The following SEMA4D variants were observed in gnomAD, a reference collection of about 807,000 sequenced individuals.
SEMA4D encodes the protein semaphorin 4D.
A neutral mutation model predicts 74.8 loss-of-function variants in SEMA4D; 22 were observed. The observed-to-expected ratio is 0.29, with a 90% confidence interval of 0.21 to 0.42. The LOEUF (loss-of-function observed/expected upper bound fraction) is 0.42, where lower values mean the gene tolerates loss of function less well. Among genes scored for constraint, SEMA4D ranks in the 10% least tolerant of loss-of-function variants. The pLI, the probability that SEMA4D is intolerant of heterozygous loss-of-function variation, is 1.00. For synonymous variants in SEMA4D, 445 were observed against 463.7 expected (o/e 0.96, Z 0.52); for missense variants, 937 against 1,118.4 (o/e 0.84, Z 2.31).
chr9:89,413,118 G>A (rs549677421), intron 2 of SEMA4D, among the ~76,000 whole-genome samples: 83 of 152,340 alleles, frequency 5.4e-4, no homozygotes, highest in Non-Finnish European at 1.0e-3. Context: ...CCCTGACAGT[G>A]TGAAATTGCT....
chr9:89,493,447 C>T (rs946098051), intron 1 of SEMA4D, among the ~76,000 whole-genome samples: 1 of 152,250 alleles, frequency 6.6e-6, no homozygotes, highest in Non-Finnish European at 1.5e-5. Flanking sequence ...CCTCACAGCA[C>T]ATGGGACACA....
chr9:89,422,197 T>A (rs1847112494), intron 2 of SEMA4D, among the ~76,000 whole-genome samples: 1 of 152,220 alleles, frequency 6.6e-6, no homozygotes, highest in Non-Finnish European at 1.5e-5. Flanking sequence ...TGGAAATTTT[T>A]AAGAACAGCA....
chr9:89,389,946 G>A (rs1020242179), intron 9 of SEMA4D, among the ~76,000 whole-genome samples: 19 of 152,210 alleles, frequency 1.2e-4, no homozygotes, highest in African/African-American at 4.6e-4. Flanking sequence ...GTAGGCAGGA[G>A]CTGTGGGGCC....
At chr9:89,391,158 G>C in intron 9 of SEMA4D, 106 bp downstream of exon 9, 1 of 1,125,342 alleles carries the variant, frequency 8.9e-7, no homozygotes, top group Non-Finnish European at 1.3e-6. Context: ...AGGGAATAAA[G>C]TGCTAGGGAA....
intron 13 of SEMA4D, among the ~76,000 whole-genome samples, chr9:89,382,435 A>G (rs936731546): frequency 4.6e-5 from 7 of 151,428 alleles, no homozygotes; most frequent in Non-Finnish European, 1.0e-4. Flanking sequence ...TGTGGTTGGA[A>G]GATCACAGGC....
chr9:89,433,046 G>T (rs1476239959), intron 2 of SEMA4D, among the ~76,000 whole-genome samples: 1 of 152,228 alleles, frequency 6.6e-6, no homozygotes, highest in South Asian at 2.1e-4. Flanking sequence ...GCGTCTTCGG[G>T]TGTGCACAAT....
chr9:89,420,731 G>C (rs1223439572), intron 2 of SEMA4D, among the ~76,000 whole-genome samples: 1 of 152,230 alleles, frequency 6.6e-6, no homozygotes, highest in Non-Finnish European at 1.5e-5. Context: ...TCTGCAATCA[G>C]AGGAACCTGG....
At chr9:89,411,234 T>C (rs778777530) in intron 2 of SEMA4D, among the ~76,000 whole-genome samples, 10 of 152,182 alleles carry the variant, frequency 6.6e-5, no homozygotes, top group Non-Finnish European at 8.8e-5. Context: ...TTAGAACAGA[T>C]ACACAGATTA....
intron 1 of SEMA4D, among the ~76,000 whole-genome samples, chr9:89,482,364 C>T (rs746521992): frequency 4.6e-5 from 7 of 152,200 alleles, no homozygotes; most frequent in East Asian, 1.9e-4. Context: ...AGAGTCACAA[C>T]GCAAAGAACA....
chr9:89,391,618 C>A (rs533968148), intron 8 of SEMA4D, among the ~76,000 whole-genome samples: 1 of 152,174 alleles, frequency 6.6e-6, no homozygotes, highest in African/African-American at 2.4e-5. Flanking sequence ...GGTGCCCTAC[C>A]CCCACCTCCT....
intron 13 of SEMA4D, among the ~76,000 whole-genome samples, chr9:89,383,014 A>G (rs1837514309): frequency 6.6e-6 from 1 of 152,164 alleles, no homozygotes; most frequent in East Asian, 1.9e-4. Flanking sequence ...GCCCAAATGA[A>G]ACTAAGCTGT....
chr9:89,363,640 C>T, intron 17 of SEMA4D: 1 of 1,589,556 alleles, frequency 6.3e-7, no homozygotes. Flanking sequence ...ACCCAGAATG[C>T]CACCGTGCAA....
At chr9:89,412,264 C>T (rs1844700598) in intron 2 of SEMA4D, among the ~76,000 whole-genome samples, 3 of 152,158 alleles carry the variant, frequency 2.0e-5, no homozygotes. Flanking sequence ...AACAAAATCG[C>T]CAGTGAAGAG....
rs1016396858 is a variant in SEMA4D, at chr9:89,377,692, G to C, written c.*1012C>G. The C allele has an allele frequency of 6.6e-6, 1 of 152,230 alleles. No individual in the cohort carries two copies. Among genetic ancestry groups the C allele is most frequent in the Non-Finnish European group, 1.5e-5 (1 of 68,080 alleles). 9.4% of individuals were successfully genotyped at this position (152,230 alleles called of 1,614,324 possible). On this transcript the variant is annotated 3_prime_UTR_variant, in exon 16 of 16. Coordinates refer to ENST00000422704, the MANE Select transcript of SEMA4D (RefSeq NM_001371194.2). ...AGCAAGAAGAGAAAGGAGATGTTCA[G>C]AGAACCAAAGGCGCCCTTGTGAAGG...
chr9:89,366,278 G>T (rs1284533384), intron 16 of SEMA4D, among the ~76,000 whole-genome samples: 1 of 152,206 alleles, frequency 6.6e-6, no homozygotes, highest in Non-Finnish European at 1.5e-5. Flanking sequence ...CCTCTGGATG[G>T]TTAAATTTGG....
intron 1 of SEMA4D, among the ~76,000 whole-genome samples, chr9:89,461,892 A>G (rs560729704): frequency 1.1e-4 from 16 of 151,890 alleles, no homozygotes; most frequent in African/African-American, 3.6e-4. Flanking sequence ...TAGTAGAGAC[A>G]GGGTTTCACC....
At chr9:89,408,093 C>T (rs1843700116) in intron 2 of SEMA4D, among the ~76,000 whole-genome samples, 2 of 152,230 alleles carry the variant, frequency 1.3e-5, no homozygotes, top group African/African-American at 2.4e-5. Flanking sequence ...AATGGTGTCA[C>T]TTTTTGTTTG....
chr9:89,399,435 AGAG>A, intron 4 of SEMA4D, 97 bp from the exon 5 acceptor site: 1 of 960,754 alleles, frequency 1.0e-6, no homozygotes. Flanking sequence ...TTTAGAGCCT[AGAG>A]GTTTCTCCTG....
rs1023309727 is a variant in SEMA4D, at chr9:89,480,474, T to G, written c.-310+17445A>C. 1.8e-4 allele frequency among the ~76,000 whole-genome samples: 28 copies of G among 152,118 alleles called. No individual in the cohort carries two copies. The South Asian group carries it at 3.5e-3, about 19-fold the overall frequency. On this transcript the variant is annotated intron_variant, in intron 1 of 15. Transcript: ENST00000422704. Reference sequence around the variant, plus strand: ...TGGGCGCCGTGGAGCAGGGGGTGGCTCTCGTCGGGGAGGCTCGGGCCGCAC... The same window carrying G: ...TGGGCGCCGTGGAGCAGGGGGTGGCGCTCGTCGGGGAGGCTCGGGCCGCAC...
Sources: gnomAD v4.1 joint callset for allele counts (sites outside exome capture counted in the v4.1 genomes callset) on GRCh38, gnomAD v4.1.1 for gene constraint, MANE v1.5 for transcripts, NCBI Gene and HGNC (gene_info 2026-07-23, HGNC 2026-07-21) for gene names.